LYPLA1: variants seen among roughly 807,000 people sequenced by gnomAD.
The protein encoded by LYPLA1 is lysophospholipase 1.
In LYPLA1, 17 loss-of-function variants were observed where a neutral mutation model predicts 34.0. The observed-to-expected ratio is 0.50, with a 90% CI of 0.34 to 0.75. The LOEUF is 0.75. Among genes scored for constraint, LYPLA1 ranks in the 30% least tolerant of loss-of-function variants. The pLI, the probability that LYPLA1 is intolerant of heterozygous loss-of-function variation, is 0.01. For synonymous variants in LYPLA1, 98 were observed against 100.8 expected, an observed-to-expected ratio of 0.97 and a Z score of 0.17; for missense variants, 203 against 288.8, an observed-to-expected ratio of 0.70 and a Z score of 2.15.
intron 3 of LYPLA1, among the ~76,000 whole-genome samples, chr8:54,063,578 A>T (rs1422512762): frequency 2.6e-5 from 4 of 152,268 alleles, no homozygotes; most frequent in African/African-American, 9.6e-5. Context: ...ACAGAGCAAC[A>T]GCAACAAAGG....
chr8:54,054,834 CTG>C (rs1391298884), intron 6 of LYPLA1: 9 of 428,274 alleles, frequency 2.1e-5, no homozygotes, highest in Non-Finnish European at 3.3e-5. Flanking sequence ...AAAGGATAAA[CTG>C]TGTTAACTTA....
intron 6 of LYPLA1, chr8:54,053,388 C>A: frequency 3.1e-6 from 1 of 318,472 alleles, no homozygotes. Context: ...GCCACCGTGC[C>A]TGGCCCTTAA....
At chr8:54,085,458 TGTGAGGAGCCCCTCTGCCCAGTCTGGGAA>T (rs1348393617) in intron 2 of LYPLA1, among the ~76,000 whole-genome samples, 2 of 151,704 alleles carry the variant, frequency 1.3e-5, no homozygotes, top group East Asian at 1.9e-4. Context: ...TCGTCTGGGA[TGTGAGGAGCCCCTCTGCCCAGTCTGGGAA>T]GTGAGGAGCA....
chr8:54,044,040 C>T (rs1223373540), downstream of LYPLA1, among the ~76,000 whole-genome samples: 5 of 152,002 alleles, frequency 3.3e-5, no homozygotes, highest in Admixed American at 1.3e-4. Context: ...TACAGGTGCA[C>T]GCCACCATGC....
chr8:54,069,283 T>C (rs1206087123), intron 2 of LYPLA1, among the ~76,000 whole-genome samples: 2 of 152,248 alleles, frequency 1.3e-5, no homozygotes, highest in African/African-American at 4.8e-5. Flanking sequence ...GATAAATGTT[T>C]GAGGTGATGG....
intron 2 of LYPLA1, among the ~76,000 whole-genome samples, chr8:54,084,141 AATAT>A (rs760476706): frequency 1.0e-4 from 12 of 118,672 alleles, no homozygotes; most frequent in Admixed American, 1.6e-4. Context: ...AAAATAAATA[AATAT>A]ATATATATAT....
intron 2 of LYPLA1, among the ~76,000 whole-genome samples, chr8:54,087,312 G>A (rs993863632): frequency 6.6e-6 from 1 of 152,202 alleles, no homozygotes; most frequent in Admixed American, 6.5e-5. Context: ...AATACTTGGA[G>A]GAATAATTTA....
chr8:54,050,539 A>G (rs964473312), intron 8 of LYPLA1, among the ~76,000 whole-genome samples: 1 of 152,160 alleles, frequency 6.6e-6, no homozygotes, highest in South Asian at 2.1e-4. Context: ...TTCCTGTCCT[A>G]TAGTTCTTTC....
At chr8:54,098,400 C>T (rs892269432) in intron 2 of LYPLA1, among the ~76,000 whole-genome samples, 1 of 150,740 alleles carries the variant, frequency 6.6e-6, no homozygotes, top group African/African-American at 2.4e-5. Context: ...CAATTCAGGC[C>T]AGGCATGGTG....
At chr8:54,065,325 G>T (rs1213208090) in intron 3 of LYPLA1, among the ~76,000 whole-genome samples, 1 of 152,008 alleles carries the variant, frequency 6.6e-6, no homozygotes, top group Non-Finnish European at 1.5e-5. Flanking sequence ...GGGCGTGGTG[G>T]CACGTACCTG....
rs181021797 is a variant in LYPLA1, at chr8:54,060,579, C to T, written c.286+1675G>A. 1.8e-4 allele frequency among the ~76,000 whole-genome samples: 28 copies of T among 152,034 alleles called. No individual in the cohort carries two copies. In the East Asian group the frequency reaches 2.7e-3, roughly 15 times the overall value. On this transcript the variant is annotated intron_variant, in intron 5 of 8. Coordinates refer to ENST00000316963, the MANE Select transcript of LYPLA1 (RefSeq NM_006330.4). ...GTAAAGCAGAGCTAATACTTCACAG[C>T]GGTGTCAAATGAGGTGCCCTGTAAG...
chr8:54,081,539 C>T (rs1238972284), intron 2 of LYPLA1, among the ~76,000 whole-genome samples: 1 of 151,992 alleles, frequency 6.6e-6, no homozygotes, highest in East Asian at 1.9e-4. Flanking sequence ...CCTTCGCATC[C>T]CGGGTTTAAG....
chr8:54,045,958 G>C (rs1805469240), downstream of LYPLA1, among the ~76,000 whole-genome samples: 6 of 152,152 alleles, frequency 3.9e-5, no homozygotes, highest in Admixed American at 3.9e-4. Context: ...CTACTTAGGA[G>C]GCTGAGGCAG....
At chr8:54,071,358 GT>G (rs1807450128) in intron 2 of LYPLA1, among the ~76,000 whole-genome samples, 1 of 152,132 alleles carries the variant, frequency 6.6e-6, no homozygotes, top group African/African-American at 2.4e-5. Context: ...TTGTATGTTG[GT>G]TATGTACAAG....
At chr8:54,065,033 T>A (rs1806947905) in intron 3 of LYPLA1, among the ~76,000 whole-genome samples, 1 of 152,136 alleles carries the variant, frequency 6.6e-6, no homozygotes, top group African/African-American at 2.4e-5. Flanking sequence ...AAACAATACC[T>A]ATCATATTCC....
chr8:54,051,079 G>T lies in LYPLA1; in HGVS notation c.572C>A (p.Thr191Lys), dbSNP rs765852422. ...FGSLTVEKLK[T>K]LVNPANVTFK... The stretch of plus-strand genomic sequence containing the variant: ...GGTCACATTGGCTGGATTCACCAAT[G>T]TTTTTAGTTTTTCCACCGTAAGAGA... The change falls in exon 8 of 9, where the codon ACA (threonine) becomes AAA (lysine). Residue 191 changes from threonine (T) to lysine (K), a missense_variant. This residue lies in a region of LYPLA1 where 123 missense variants were observed against 199.2 expected (regional missense o/e 0.62). Coordinates refer to ENST00000316963, the MANE Select transcript of LYPLA1 (RefSeq NM_006330.4). 6.2e-7 allele frequency: 1 copy of T among 1,613,942 alleles called. No homozygotes were observed. The highest frequency in any genetic ancestry group is 1.1e-5 in the South Asian group (1 of 91,070).
chr8:54,044,051 C>G (rs149929974), downstream of LYPLA1, among the ~76,000 whole-genome samples: 1 of 152,112 alleles, frequency 6.6e-6, no homozygotes, highest in East Asian at 1.9e-4. Context: ...GCCACCATGC[C>G]CAGCTAATTT....
At chr8:54,085,069 T>C (rs1808610131) in intron 2 of LYPLA1, among the ~76,000 whole-genome samples, 1 of 152,166 alleles carries the variant, frequency 6.6e-6, no homozygotes, top group Non-Finnish European at 1.5e-5. Context: ...TGGACTGTAC[T>C]GCCGCCATCT....
At chr8:54,079,726 C>T (rs1263856575) in intron 2 of LYPLA1, among the ~76,000 whole-genome samples, 4 of 151,740 alleles carry the variant, frequency 2.6e-5, no homozygotes, top group African/African-American at 9.7e-5. Context: ...GCCTGGGAGG[C>T]GGAGGGTGCG....
Sources: gnomAD v4.1 joint callset for allele counts (sites outside exome capture counted in the v4.1 genomes callset) on GRCh38, gnomAD v4.1.1 for gene constraint, gnomAD v4.1.1 regional missense constraint, MANE v1.5 for transcripts, NCBI Gene and HGNC (gene_info 2026-07-23, HGNC 2026-07-21) for gene names.